Variants in SHPRH observed in about 807,000 individuals in gnomAD.
SHPRH encodes the protein E3 ubiquitin-protein ligase SHPRH.
SHPRH carries 106 observed loss-of-function variants against 202.5 expected under a neutral mutation model. The observed-to-expected ratio is 0.52, with a 90% CI of 0.45 to 0.62. SHPRH has a LOEUF of 0.62. Among genes scored for constraint, SHPRH ranks in the 20% least tolerant of loss-of-function variants. The probability of loss-of-function intolerance (pLI) is 0.00; values close to 1 mark genes in which losing one functional copy is unlikely to be tolerated. For missense variants in SHPRH, 1,710 were observed against 2,020.0 expected (o/e 0.85, Z 2.94); for synonymous variants, 729 against 686.0 (o/e 1.06, Z -0.98).
intron 4 of SHPRH, 121 bp downstream of exon 4, chr6:145,950,143 G>T: frequency 3.0e-6 from 2 of 672,604 alleles, no homozygotes; most frequent in Non-Finnish European, 4.7e-6. Context: ...TAATTTTATG[G>T]CACCCATTCT....
At chr6:145,933,778 A>C (rs769394757) in intron 13 of SHPRH, among the ~76,000 whole-genome samples, 3 of 152,182 alleles carry the variant, frequency 2.0e-5, no homozygotes, top group African/African-American at 7.2e-5. Flanking sequence ...TCCTCTTTCT[A>C]TCTCTTATAG....
chr6:145,935,229 TTTC>T (rs1162611501), intron 12 of SHPRH, 46 bp downstream of exon 12: 3 of 1,602,024 alleles, frequency 1.9e-6, no homozygotes, highest in South Asian at 1.1e-5. Flanking sequence ...ATCCCAATTG[TTTC>T]TTTTCTCTTA....
rs1037060514 is a variant in SHPRH, at chr6:145,920,454, T to G, written c.4008+713A>C. On this transcript the variant is annotated intron_variant, in intron 21 of 29. Coordinates refer to ENST00000275233, the MANE Select transcript of SHPRH (RefSeq NM_001042683.3). ...AATGATTTTGATGTTATAAATGTAT[T>G]CCCCAATTTATGACATATGAACTGA... Among the ~76,000 whole-genome samples, 6 of 152,094 alleles carry G rather than the reference T, an allele frequency of 3.9e-5. 1 individual carries two copies. The highest frequency in any genetic ancestry group is 3.9e-4 in the Admixed American group (6 of 15,234).
chr6:145,892,148 CTT>C (rs1481208520), intron 28 of SHPRH, among the ~76,000 whole-genome samples: 3 of 152,260 alleles, frequency 2.0e-5, no homozygotes, highest in African/African-American at 4.8e-5. Context: ...CCGATGATCT[CTT>C]TCTCATACTT....
Position 145,955,174 on chromosome 6 carries a change from G to C in SHPRH, c.149C>G (p.Ser50Cys), listed in dbSNP as rs779814655. The change falls in exon 2 of 30, where the codon TCT becomes TGT. Residue 50 changes from serine to cysteine, a missense_variant. Physicochemically the swap from Ser to Cys is moderately radical, Grantham distance 112. Coordinates refer to ENST00000275233, the MANE Select transcript of SHPRH (RefSeq NM_001042683.3). Reference protein sequence around the residue: ...DEQPCPGSDTSSAHYIILSDS... With the variant: ...DEQPCPGSDTCSAHYIILSDS... ...ACTTAGAATGATATAATGAGCAGAA[G>C]AGGTATCTGAACCTGGGCAGGGCTG... 1.9e-6 allele frequency: 3 copies of C among 1,613,814 alleles called. No individual in the cohort carries two copies. The highest frequency in any genetic ancestry group is 1.6e-4 in the Middle Eastern group (1 of 6,062).
rs191584186 is a variant in SHPRH at position 145,923,192 on chromosome 6, G to C, written c.3546-356C>G. 2.0e-3 allele frequency among the ~76,000 whole-genome samples: 304 copies of C among 151,816 alleles called. 1 individual carries two copies. The highest frequency in any genetic ancestry group is 7.0e-3 in the African/African-American group (292 of 41,456). Reference sequence around the variant, plus strand: ...TGACATCCTTGCTCTATATGAGGAGGTGCCTGCAGGATGAAACATAAAAGC... The same window carrying C: ...TGACATCCTTGCTCTATATGAGGAGCTGCCTGCAGGATGAAACATAAAAGC... On this transcript the variant is annotated intron_variant, in intron 18 of 29. Transcript: ENST00000275233.
Position 145,947,648 on chromosome 6 carries a change from G to A in SHPRH, c.1062-5C>T. 6.2e-7 allele frequency: 1 copy of A among 1,608,414 alleles called. No homozygotes were observed. Among genetic ancestry groups the A allele is most frequent in the Non-Finnish European group, 8.5e-7 (1 of 1,177,428 alleles). The stretch of plus-strand genomic sequence containing the variant: ...TTTGGGTACTCACGAATGATGCTGA[G>A]GAAAAAAACAAGATAAATCACATCA... On this transcript the variant is annotated splice_region_variant and splice_polypyrimidine_tract_variant and intron_variant, in intron 5 of 29. Transcript: ENST00000275233.
In SHPRH at chr6:145,943,806, T is replaced by A. The variant is rs747330694; in HGVS notation, c.1579-4A>T. The A allele has an allele frequency of 1.9e-5, 29 of 1,551,422 alleles. 3 individuals carry two copies. The South Asian group carries it at 3.6e-4, about 19-fold the overall frequency. ...TTTTCCTTGGACTCCCTACTGCCTA[T>A]GAAAAAAATATTTAATTAATTGATT... is the stretch of plus-strand genomic sequence containing the variant. On this transcript the variant is annotated splice_polypyrimidine_tract_variant and splice_region_variant and intron_variant, in intron 8 of 29. Transcript: ENST00000275233.
In SHPRH at chr6:145,926,057, A is replaced by G. The variant is rs1784849199; in HGVS notation, c.3294+147T>C. The G allele has an allele frequency of 4.0e-6, 3 of 757,466 alleles. No homozygotes were observed. The Admixed American group carries it at 7.9e-5, about 20-fold the overall frequency. The allele number at this position is 757,466 out of a possible 1,614,324, so 46.9% of individuals were successfully genotyped here. A position where few individuals can be genotyped will look rare whatever the true frequency, so the allele number is the denominator to read the frequency against. ...ACTGCTGCCATTCTCTGCTACCCAA[A>G]ATCACAACAAAATTCGAAACATCAA... On this transcript the variant is annotated intron_variant, in intron 16 of 29. Transcript: ENST00000275233.
Position 145,895,030 on chromosome 6 carries a change from C to T in SHPRH, c.4516-53G>A, listed in dbSNP as rs2128717763. 3.3e-6 allele frequency: 5 copies of T among 1,531,276 alleles called. No individual in the cohort carries two copies. The South Asian group carries it at 5.8e-5, about 18-fold the overall frequency. The allele number at this position is 1,531,276 out of a possible 1,614,324, so 94.9% of individuals were successfully genotyped here. A position where few individuals can be genotyped will look rare whatever the true frequency, so the allele number is the denominator to read the frequency against. On this transcript the variant is annotated intron_variant, in intron 25 of 29. Coordinates refer to ENST00000275233, the MANE Select transcript of SHPRH (RefSeq NM_001042683.3). ...TACTACTAAAAAATCTAGTTAAGAA[C>T]AGAATAGAAAAGCAATACAAAGTAC... is the stretch of plus-strand genomic sequence containing the variant.
chr6:145,915,615 C>T (rs1424139623), intron 23 of SHPRH, among the ~76,000 whole-genome samples: 1 of 151,942 alleles, frequency 6.6e-6, no homozygotes, highest in Non-Finnish European at 1.5e-5. Flanking sequence ...CCAATGTCAA[C>T]TGGTTACATA....
intron 2 of SHPRH, among the ~76,000 whole-genome samples, chr6:145,865,435 C>T (rs1779734626): frequency 6.6e-6 from 1 of 152,216 alleles, no homozygotes; most frequent in Non-Finnish European, 1.5e-5. Flanking sequence ...GACTGCCAGC[C>T]TCCAGAACTG....
chr6:145,891,659 A>G (rs1443540634), intron 28 of SHPRH, among the ~76,000 whole-genome samples: 10 of 152,186 alleles, frequency 6.6e-5, no homozygotes, highest in Non-Finnish European at 1.3e-4. Context: ...TTGATGATGG[A>G]AAGATGAGGT....
chr6:145,960,043 C>G (rs1788929683), intron 1 of SHPRH, among the ~76,000 whole-genome samples: 1 of 152,200 alleles, frequency 6.6e-6, no homozygotes, highest in African/African-American at 2.4e-5. Context: ...CACACTACCT[C>G]AAAGCTCAAT....
intron 13 of SHPRH, among the ~76,000 whole-genome samples, chr6:145,933,840 A>G (rs1785736361): frequency 6.6e-6 from 1 of 152,184 alleles, no homozygotes; most frequent in African/African-American, 2.4e-5. Flanking sequence ...TTTCTGGGAC[A>G]ATAGAGTATT....
intron 1 of SHPRH, among the ~76,000 whole-genome samples, chr6:145,957,544 G>T (rs1420612269): frequency 6.6e-6 from 1 of 151,968 alleles, no homozygotes; most frequent in Non-Finnish European, 1.5e-5. Flanking sequence ...CAAAAATTTT[G>T]AATAGACATT....
Position 145,894,129 on chromosome 6 carries a change from C to T in SHPRH, c.4695+21G>A, listed in dbSNP as rs367940505. On this transcript the variant is annotated intron_variant, in intron 27 of 29. Coordinates refer to ENST00000275233, the MANE Select transcript of SHPRH (RefSeq NM_001042683.3). Reference sequence around the variant, plus strand: ...TTGCAACTGTATCCACTACAAAAACCGGAGTAAAATCTTAACATACCTGAA... The same window carrying T: ...TTGCAACTGTATCCACTACAAAAACTGGAGTAAAATCTTAACATACCTGAA... 22 of 1,566,568 alleles carry T rather than the reference C, an allele frequency of 1.4e-5. No homozygotes were observed. In the East Asian group the frequency reaches 2.3e-4, roughly 17 times the overall value.
chr6:145,892,262 C>T (rs1434257443), intron 28 of SHPRH, among the ~76,000 whole-genome samples: 1 of 152,164 alleles, frequency 6.6e-6, no homozygotes, highest in Non-Finnish European at 1.5e-5. Context: ...TGTGTGAATA[C>T]CCTTTTCCAG....
chr6:145,858,646 G>A, the SHPRH span, among the ~76,000 whole-genome samples: 3 of 152,026 alleles, frequency 2.0e-5, no homozygotes, highest in African/African-American at 7.2e-5. Flanking sequence ...CTTGACTGTG[G>A]TGATGGTTTC....
Sources: gnomAD v4.1 joint callset for allele counts (sites outside exome capture counted in the v4.1 genomes callset) on GRCh38, gnomAD v4.1.1 for gene constraint, MANE v1.5 for transcripts, NCBI Gene and HGNC (gene_info 2026-07-23, HGNC 2026-07-21) for gene names.